The following GRIA2 variants were observed in gnomAD, a reference collection of about 807,000 sequenced individuals.
GRIA2 encodes the protein glutamate ionotropic receptor AMPA type subunit 2.
In GRIA2, 14 loss-of-function variants were observed where a neutral mutation model predicts 97.3. The ratio of observed to expected loss-of-function variants is 0.14; its 90% CI spans 0.10 to 0.23. The LOEUF (loss-of-function observed/expected upper bound fraction) is 0.23. Ranked by LOEUF, GRIA2 falls within the 10% of genes least tolerant of loss-of-function variation. The pLI is 1.00. For synonymous variants in GRIA2, 412 were observed against 387.8 expected (o/e 1.06, Z -0.73); for missense variants, 558 against 1,069.8 (o/e 0.52, Z 6.67).
intron 13 of GRIA2, 89 bp downstream of exon 13, chr4:157,360,232 T>C (rs1736574983): frequency 7.4e-7 from 1 of 1,349,902 alleles, no homozygotes; most frequent in Non-Finnish European, 1.0e-6. Flanking sequence ...ACGGTTTGTA[T>C]ACGGATATGA....
chr4:157,332,433 C>T (rs1735093100), intron 6 of GRIA2, among the ~76,000 whole-genome samples: 1 of 151,624 alleles, frequency 6.6e-6, no homozygotes, highest in Non-Finnish European at 1.5e-5. Context: ...ATGAATTTCT[C>T]ATTGGACTGT....
Position 157,363,810 on chromosome 4 carries a change from C to A in GRIA2, c.*379C>A. 1 of 353,162 alleles carries A rather than the reference C, an allele frequency of 2.8e-6. No homozygotes were observed. The highest frequency in any genetic ancestry group is 5.1e-6 in the Non-Finnish European group (1 of 197,080). The allele number at this position is 353,162 out of a possible 1,614,324, so 21.9% of individuals were successfully genotyped here. On this transcript the variant is annotated 3_prime_UTR_variant, in exon 16 of 16. Transcript: ENST00000264426. ...GACAAAGCGTGGTGGACATGCACAG[C>A]TAACATGGAAGTACTATAATTTACC... is the stretch of plus-strand genomic sequence containing the variant.
At chr4:157,355,978 T>TTA (rs540663729) in intron 12 of GRIA2, among the ~76,000 whole-genome samples, 1 of 69,548 alleles carries the variant, frequency 1.4e-5, no homozygotes, top group African/African-American at 1.2e-4. Flanking sequence ...TTAATATATA[T>TTA]ATTTATATAT....
At chr4:157,236,094 T>C (rs778546654) in intron 2 of GRIA2, among the ~76,000 whole-genome samples, 3 of 152,032 alleles carry the variant, frequency 2.0e-5, no homozygotes, top group Non-Finnish European at 4.4e-5. Flanking sequence ...AGCTTTAACA[T>C]GTAACAAAAA....
At chr4:157,239,871 C>G (rs1730425026) in intron 2 of GRIA2, among the ~76,000 whole-genome samples, 1 of 151,762 alleles carries the variant, frequency 6.6e-6, no homozygotes, top group Non-Finnish European at 1.5e-5. Context: ...TGTTATTATA[C>G]ATTATGTGGT....
At chr4:157,335,542 G>A in intron 9 of GRIA2, 129 bp from the exon 10 acceptor site, 1 of 647,644 alleles carries the variant, frequency 1.5e-6, no homozygotes, top group Non-Finnish European at 2.8e-6. Flanking sequence ...CTACTGTTGT[G>A]TGTTCACCAT....
intron 2 of GRIA2, among the ~76,000 whole-genome samples, chr4:157,276,664 T>G (rs986161748): frequency 6.6e-6 from 1 of 151,644 alleles, no homozygotes; most frequent in Admixed American, 6.6e-5. Context: ...GAAAAAAAGA[T>G]AGATGATACA....
chr4:157,238,100 C>T (rs529523439), intron 2 of GRIA2, among the ~76,000 whole-genome samples: 1 of 152,200 alleles, frequency 6.6e-6, no homozygotes, highest in East Asian at 1.9e-4. Context: ...TTAGTTTCAT[C>T]CCCGGTTTGT....
At chr4:157,226,718 G>A (rs1270412875) in intron 2 of GRIA2, among the ~76,000 whole-genome samples, 4 of 151,990 alleles carry the variant, frequency 2.6e-5, no homozygotes, top group Admixed American at 1.3e-4. Context: ...TTGGCTACGC[G>A]ATCCTGTTTT....
At chr4:157,319,935 T>C (rs1205476409) in intron 5 of GRIA2, among the ~76,000 whole-genome samples, 2 of 152,110 alleles carry the variant, frequency 1.3e-5, no homozygotes, top group African/African-American at 4.8e-5. Flanking sequence ...ACTACCCTTA[T>C]AGATTTAATT....
intron 2 of GRIA2, among the ~76,000 whole-genome samples, chr4:157,290,378 A>C (rs1251608635): frequency 6.6e-6 from 1 of 151,888 alleles, no homozygotes; most frequent in East Asian, 1.9e-4. Context: ...GCTGAGTAAA[A>C]GAAAGGTATA....
chr4:157,267,554 A>T (rs1731828574), intron 2 of GRIA2, among the ~76,000 whole-genome samples: 1 of 152,128 alleles, frequency 6.6e-6, no homozygotes, highest in South Asian at 2.1e-4. Flanking sequence ...AGTTAACATT[A>T]AACATTTTGC....
chr4:157,245,334 G>GA (rs1386990161), intron 2 of GRIA2, among the ~76,000 whole-genome samples: 2 of 151,610 alleles, frequency 1.3e-5, no homozygotes, highest in East Asian at 1.9e-4. Context: ...CTTGCTTGTG[G>GA]AAAAAAAATA....
intron 2 of GRIA2, among the ~76,000 whole-genome samples, chr4:157,240,032 T>C (rs1280311037): frequency 1.3e-5 from 2 of 152,144 alleles, no homozygotes; most frequent in Non-Finnish European, 2.9e-5. Flanking sequence ...TGTCCTTTTG[T>C]GGTTGACCAT....
chr4:157,339,876 A>G (rs1225270822), intron 11 of GRIA2, among the ~76,000 whole-genome samples: 1 of 151,902 alleles, frequency 6.6e-6, no homozygotes, highest in Non-Finnish European at 1.5e-5. Context: ...AATATATTTA[A>G]TATCCTTTTC....
chr4:157,239,135 T>G (rs766252454), intron 2 of GRIA2, among the ~76,000 whole-genome samples: 11 of 152,072 alleles, frequency 7.2e-5, no homozygotes, highest in Non-Finnish European at 1.3e-4. Context: ...CACATCAGCT[T>G]GGATGTCATT....
At chr4:157,305,052 A>G (rs1733781713) in intron 3 of GRIA2, among the ~76,000 whole-genome samples, 1 of 152,174 alleles carries the variant, frequency 6.6e-6, no homozygotes, top group African/African-American at 2.4e-5. Flanking sequence ...AAAACCGAGA[A>G]TCATTTACAG....
chr4:157,283,389 A>G (rs1306014574), intron 2 of GRIA2, among the ~76,000 whole-genome samples: 1 of 151,952 alleles, frequency 6.6e-6, no homozygotes, highest in African/African-American at 2.4e-5. Context: ...TTAGATCCAT[A>G]ATGAGTGTGA....
intron 4 of GRIA2, 101 bp from the exon 5 acceptor site, chr4:157,317,557 G>A (rs776780333): frequency 4.1e-6 from 2 of 485,834 alleles, no homozygotes; most frequent in South Asian, 3.7e-5. Flanking sequence ...AAACCTAGCA[G>A]ATAAAATTCC....
Sources: gnomAD v4.1 joint callset for allele counts (sites outside exome capture counted in the v4.1 genomes callset) on GRCh38, gnomAD v4.1.1 for gene constraint, MANE v1.5 for transcripts, NCBI Gene and HGNC (gene_info 2026-07-23, HGNC 2026-07-21) for gene names.